Variants in DENND5A observed in about 807,000 individuals in gnomAD.
The protein encoded by DENND5A is DENN domain-containing protein 5A.
Under a neutral mutation model 140.3 loss-of-function variants are expected in DENND5A, and 64 were observed. The ratio of observed to expected loss-of-function variants is 0.46; its 90% CI spans 0.37 to 0.56. The LOEUF (loss-of-function observed/expected upper bound fraction) is 0.56. DENND5A is among the 20% of genes least tolerant of loss of function. The pLI is 0.00. For synonymous variants in DENND5A, 605 were observed against 607.7 expected, an observed-to-expected ratio of 1.00 and a Z score of 0.07; for missense variants, 1,292 against 1,593.8, an observed-to-expected ratio of 0.81 and a Z score of 3.22.
At chr11:9,190,488 C>A (rs1590253492) in intron 5 of DENND5A, among the ~76,000 whole-genome samples, 1 of 152,286 alleles carries the variant, frequency 6.6e-6, no homozygotes, top group East Asian at 1.9e-4. Context: ...AGTTTCCCTG[C>A]ACAAGCTCTC....
At chr11:9,255,616 A>G (rs1851912296) in intron 1 of DENND5A, among the ~76,000 whole-genome samples, 1 of 152,166 alleles carries the variant, frequency 6.6e-6, no homozygotes, top group African/African-American at 2.4e-5. Flanking sequence ...CTGTAATCCC[A>G]GCACTTTGGA....
rs1399677976 is a variant in DENND5A at position 9,265,315 on chromosome 11, G to C, written c.-246C>G. ...CTCCGCGCCGCCGCCGCTGCAGCTA[G>C]CCGAGAGCGCCGCGGCCCGAGCGAG... On this transcript the variant is annotated 5_prime_UTR_variant, in exon 1 of 23. Transcript: ENST00000328194. The surrounding 1 kb of genome is among the most constrained non-coding windows in gnomAD (Gnocchi z 4.7). 1 of 259,132 alleles carries C rather than the reference G, an allele frequency of 3.9e-6. No individual in the cohort carries two copies. Among genetic ancestry groups the C allele is most frequent in the Non-Finnish European group, 7.3e-6 (1 of 136,776 alleles). 16.1% of individuals were successfully genotyped at this position (259,132 alleles called of 1,614,324 possible).
At chr11:9,170,039 G>C in intron 9 of DENND5A, 90 bp from the exon 10 acceptor site, 1 of 988,908 alleles carries the variant, frequency 1.0e-6, no homozygotes, top group Non-Finnish European at 1.6e-6. Context: ...ATGACTACGA[G>C]TCAATGCTGG....
chr11:9,148,161 A>G (rs374756659), intron 15 of DENND5A, among the ~76,000 whole-genome samples: 79 of 152,346 alleles, frequency 5.2e-4, no homozygotes, highest in African/African-American at 1.8e-3. Context: ...TTAAAGAGCC[A>G]TACGCTTCAG....
At position 9,139,710 on chromosome 11, in the gene DENND5A, G is replaced by A; in HGVS notation, c.3825C>T (p.Ile1275=). ...CCTTGACAAGGGACGTCTCCAGCGT[G>A]ATGTTGAACTCCTGCAATGTCTGCA... The part of the protein sequence containing the change: ...RVLQTLQEFN[I]TLETSLVKGI... The change falls in exon 23 of 23, where the codon ATC becomes ATT. Residue 1275 remains isoleucine, a synonymous_variant. Transcript: ENST00000328194. The A allele has an allele frequency of 1.2e-6, 2 of 1,614,076 alleles. No homozygotes were observed. The highest frequency in any genetic ancestry group is 2.2e-5 in the South Asian group (2 of 91,052).
chr11:9,155,426 G>T (rs752121342), intron 12 of DENND5A, among the ~76,000 whole-genome samples: 5 of 152,190 alleles, frequency 3.3e-5, no homozygotes, highest in Admixed American at 6.5e-5. Context: ...GCAAAATCAG[G>T]CCACTATACC....
chr11:9,257,522 C>T (rs1433295753), intron 1 of DENND5A, among the ~76,000 whole-genome samples: 1 of 144,462 alleles, frequency 6.9e-6, no homozygotes, highest in Non-Finnish European at 1.5e-5. Context: ...CACACTGTTG[C>T]CCAGGCTGGA....
chr11:9,248,890 A>T (rs940853214), intron 1 of DENND5A, among the ~76,000 whole-genome samples: 11 of 152,150 alleles, frequency 7.2e-5, no homozygotes, highest in African/African-American at 2.4e-4. Context: ...CATTGTTCTA[A>T]AACTACAAAA....
At chr11:9,262,193 C>A (rs575278671) in intron 1 of DENND5A, among the ~76,000 whole-genome samples, 14 of 152,242 alleles carry the variant, frequency 9.2e-5, no homozygotes, top group African/African-American at 2.6e-4. Flanking sequence ...AGGACCCTGA[C>A]AGGGTTATCT....
chr11:9,252,522 A>T (rs1476005333), intron 1 of DENND5A, among the ~76,000 whole-genome samples: 3 of 150,646 alleles, frequency 2.0e-5, no homozygotes, highest in Admixed American at 2.0e-4. Flanking sequence ...TGGCGCTTGC[A>T]TGTAGTCCCA....
At chr11:9,144,046 C>T in intron 19 of DENND5A, 51 bp downstream of exon 19, 2 of 1,563,720 alleles carry the variant, frequency 1.3e-6, no homozygotes, top group Non-Finnish European at 1.7e-6. Context: ...CAGAGATCCA[C>T]CCATTCCCTA....
Position 9,170,683 on chromosome 11 carries a change from C to G in DENND5A, c.2001G>C (p.Pro667=). 6.2e-7 allele frequency: 1 copy of G among 1,613,832 alleles called. No individual in the cohort carries two copies. The highest frequency in any genetic ancestry group is 8.5e-7 in the Non-Finnish European group (1 of 1,179,994). ...DMKIGQGKYE[P]GFFPKLQSDV... is the part of the protein sequence containing the mutation. ...CAGACTGCAGCTTAGGGAAGAAGCC[C>G]GGCTCATATTTCCCTTGTCCAATCT... The change falls in exon 9 of 23, where the codon CCG becomes CCC. Residue 667 remains proline, a synonymous_variant. Coordinates refer to ENST00000328194, the MANE Select transcript of DENND5A (RefSeq NM_015213.4).
intron 4 of DENND5A, among the ~76,000 whole-genome samples, chr11:9,196,379 G>A (rs1178306934): frequency 6.6e-6 from 1 of 152,110 alleles, no homozygotes; most frequent in Non-Finnish European, 1.5e-5. Context: ...TATCCTGGGA[G>A]GTTGCAAAAC....
At chr11:9,157,756 T>C (rs1039704022) in intron 12 of DENND5A, among the ~76,000 whole-genome samples, 5 of 152,236 alleles carry the variant, frequency 3.3e-5, no homozygotes, top group Non-Finnish European at 7.3e-5. Flanking sequence ...AGGTTGATCA[T>C]AACTTTGCCA....
At chr11:9,225,235 A>C (rs953383434) in intron 1 of DENND5A, among the ~76,000 whole-genome samples, 1 of 152,192 alleles carries the variant, frequency 6.6e-6, no homozygotes, top group Non-Finnish European at 1.5e-5. Flanking sequence ...AAAAGTGTTG[A>C]TATTAGCTCA....
chr11:9,229,786 T>C (rs1850685035), intron 1 of DENND5A, among the ~76,000 whole-genome samples: 3 of 152,010 alleles, frequency 2.0e-5, no homozygotes, highest in African/African-American at 7.2e-5. Flanking sequence ...GATAACACCC[T>C]TTGTCTACTA....
chr11:9,254,648 G>A (rs150809013), intron 1 of DENND5A, among the ~76,000 whole-genome samples: 2 of 152,294 alleles, frequency 1.3e-5, no homozygotes, highest in African/African-American at 4.8e-5. Flanking sequence ...AACCAGCCCA[G>A]TAGAGGAAGA....
intron 1 of DENND5A, among the ~76,000 whole-genome samples, chr11:9,225,029 C>G (rs182387479): frequency 6.6e-6 from 1 of 152,072 alleles, no homozygotes; most frequent in Non-Finnish European, 1.5e-5. Flanking sequence ...CCTCACAATC[C>G]TAGTCCCTAG....
intron 12 of DENND5A, among the ~76,000 whole-genome samples, chr11:9,156,921 C>T (rs1847825351): frequency 7.0e-6 from 1 of 142,294 alleles, no homozygotes; most frequent in Admixed American, 6.9e-5. Flanking sequence ...GATATTCTTA[C>T]TGTGAGAATT....
Sources: allele counts gnomAD v4.1 joint callset (sites outside exome capture counted in the v4.1 genomes callset), GRCh38; gene constraint gnomAD v4.1.1; non-coding constraint Gnocchi (gnomAD v3.1); transcripts MANE v1.5; gene names NCBI Gene and HGNC (gene_info 2026-07-23, HGNC 2026-07-21).